TBCK: variants seen among roughly 807,000 people sequenced by gnomAD.
TBCK encodes TBC1 domain containing kinase.
In TBCK, 99 loss-of-function variants were observed where a neutral mutation model predicts 113.4. That is an observed-to-expected ratio of 0.87 (90% CI 0.74 to 1.03). The LOEUF (loss-of-function observed/expected upper bound fraction) is 1.03. Among genes scored for constraint, TBCK ranks in the 50% least tolerant of loss-of-function variants. The probability of loss-of-function intolerance (pLI) is 0.00; values close to 1 mark genes in which losing one functional copy is unlikely to be tolerated. For synonymous variants in TBCK, 369 were observed against 370.8 expected (o/e 1.00, Z 0.05); for missense variants, 1,045 against 1,061.3 (o/e 0.98, Z 0.21).
chr4:106,312,816 G>C (rs939983511), intron 1 of TBCK, among the ~76,000 whole-genome samples: 12 of 152,140 alleles, frequency 7.9e-5, no homozygotes, highest in African/African-American at 2.7e-4. Flanking sequence ...GAAAGAAGCA[G>C]ACACAAAAGA....
intron 25 of TBCK, among the ~76,000 whole-genome samples, chr4:106,049,553 G>A (rs921221345): frequency 6.6e-6 from 1 of 152,028 alleles, no homozygotes; most frequent in African/African-American, 2.4e-5. Flanking sequence ...TTTCCACAGT[G>A]TTAAATAAGT....
At chr4:106,316,636 A>T, upstream of TBCK, 1 of 1,544,108 alleles carries the variant, frequency 6.5e-7, no homozygotes, top group Non-Finnish European at 8.8e-7. Flanking sequence ...GGGATCGCCG[A>T]TTGCGATCGT....
chr4:106,158,481 TAAAC>T (rs1231259386), intron 23 of TBCK, among the ~76,000 whole-genome samples: 2 of 152,232 alleles, frequency 1.3e-5, no homozygotes, highest in South Asian at 4.2e-4. Flanking sequence ...TACAGATTAA[TAAAC>T]AAAAGTTTTT....
intron 17 of TBCK, among the ~76,000 whole-genome samples, chr4:106,232,068 C>T (rs1349821631): frequency 6.6e-6 from 1 of 151,404 alleles, no homozygotes; most frequent in Non-Finnish European, 1.5e-5. Flanking sequence ...GGATATTGTC[C>T]CATCTCTGAC....
At chr4:106,207,781 TC>T (rs1195531194) in intron 20 of TBCK, among the ~76,000 whole-genome samples, 1 of 152,152 alleles carries the variant, frequency 6.6e-6, no homozygotes, top group Non-Finnish European at 1.5e-5. Context: ...AAAACAGTCT[TC>T]CTATTAACAT....
chr4:106,171,577 T>A (rs545064275), intron 22 of TBCK, among the ~76,000 whole-genome samples: 1 of 152,242 alleles, frequency 6.6e-6, no homozygotes, highest in South Asian at 2.1e-4. Flanking sequence ...ATTATTTAAA[T>A]GCCACAGAAT....
intron 2 of TBCK, among the ~76,000 whole-genome samples, chr4:106,302,114 C>A (rs1245629805): frequency 6.6e-6 from 1 of 152,140 alleles, no homozygotes; most frequent in Non-Finnish European, 1.5e-5. Context: ...AATTCCCTAG[C>A]CTAATGACAA....
chr4:106,179,116 T>C (rs1243201493), intron 22 of TBCK, among the ~76,000 whole-genome samples: 2 of 152,032 alleles, frequency 1.3e-5, no homozygotes, highest in African/African-American at 4.8e-5. Context: ...TACATAAGAT[T>C]TTATTTATTT....
chr4:106,168,416 CCTG>C (rs1485019601), intron 23 of TBCK, among the ~76,000 whole-genome samples: 2 of 152,030 alleles, frequency 1.3e-5, no homozygotes, highest in East Asian at 3.9e-4. Flanking sequence ...TAGAAGCCTT[CCTG>C]CTAAGATCAG....
At chr4:106,070,836 G>A (rs959740123) in intron 25 of TBCK, among the ~76,000 whole-genome samples, 18 of 152,130 alleles carry the variant, frequency 1.2e-4, no homozygotes, top group Non-Finnish European at 1.5e-4. Context: ...TTATTGGTCT[G>A]TTCAGGGATT....
chr4:106,075,667 G>GT (rs1738103699), intron 25 of TBCK, among the ~76,000 whole-genome samples: 1 of 152,096 alleles, frequency 6.6e-6, no homozygotes, highest in South Asian at 2.1e-4. Context: ...TTATATATAT[G>GT]TTTTTACCTT....
intron 3 of TBCK, among the ~76,000 whole-genome samples, chr4:106,287,282 C>T (rs1053260757): frequency 3.3e-5 from 5 of 152,082 alleles, no homozygotes; most frequent in South Asian, 2.1e-4. Flanking sequence ...CTTTTTTCTA[C>T]CCCAAATACT....
intron 4 of TBCK, among the ~76,000 whole-genome samples, chr4:106,261,625 A>G (rs1762517272): frequency 6.6e-6 from 1 of 152,118 alleles, no homozygotes; most frequent in Non-Finnish European, 1.5e-5. Context: ...GTAGAGAAAC[A>G]GCACTTCAAT....
intron 1 of TBCK, among the ~76,000 whole-genome samples, chr4:106,313,232 C>T (rs1017580230): frequency 5.3e-5 from 8 of 152,072 alleles, no homozygotes; most frequent in African/African-American, 1.7e-4. Context: ...GCATTCTCAT[C>T]AGCAATAATG....
intron 25 of TBCK, among the ~76,000 whole-genome samples, chr4:106,089,248 A>G (rs1376600554): frequency 6.6e-6 from 1 of 151,964 alleles, no homozygotes; most frequent in Admixed American, 6.6e-5. Flanking sequence ...ATCAACTCTC[A>G]TAACAACTCT....
chr4:106,260,197 A>C (rs1762372443), intron 5 of TBCK, among the ~76,000 whole-genome samples: 2 of 151,926 alleles, frequency 1.3e-5, no homozygotes, highest in South Asian at 4.1e-4. Context: ...TTATAATGTA[A>C]AGAATGTCAA....
intron 23 of TBCK, among the ~76,000 whole-genome samples, chr4:106,164,180 T>C (rs994824796): frequency 2.6e-5 from 4 of 152,116 alleles, no homozygotes. Context: ...CCTATCATAA[T>C]AGCTCTAAAA....
intron 20 of TBCK, among the ~76,000 whole-genome samples, chr4:106,199,063 G>A (rs1393786213): frequency 1.3e-5 from 2 of 152,110 alleles, no homozygotes; most frequent in Non-Finnish European, 2.9e-5. Context: ...AGTGAACAAA[G>A]CATAGTTCCA....
intron 25 of TBCK, among the ~76,000 whole-genome samples, chr4:106,083,313 G>A (rs566862198): frequency 6.6e-6 from 1 of 152,282 alleles, no homozygotes; most frequent in African/African-American, 2.4e-5. Context: ...ACCGGCTGTG[G>A]CAGTCTGCGG....
Sources: allele counts gnomAD v4.1 joint callset (sites outside exome capture counted in the v4.1 genomes callset), GRCh38; gene constraint gnomAD v4.1.1; transcripts MANE v1.5; gene names NCBI Gene and HGNC (gene_info 2026-07-23, HGNC 2026-07-21).